The following RILPL1 variants were observed in gnomAD, a reference collection of about 807,000 sequenced individuals.
RILPL1 encodes the protein RILP-like protein 1.
RILPL1 carries 33 observed loss-of-function variants against 50.3 expected under a neutral mutation model. The observed-to-expected ratio is 0.66, with a 90% CI of 0.50 to 0.88. RILPL1 has a LOEUF of 0.88. Among genes scored for constraint, RILPL1 ranks in the 40% least tolerant of loss-of-function variants. The pLI is 0.00. For missense variants in RILPL1, 418 were observed against 542.5 expected (o/e 0.77, Z 2.28); for synonymous variants, 205 against 228.6 (o/e 0.90, Z 0.93).
rs1881156138 is a variant in RILPL1, at chr12:123,470,804, G to A, written c.*1734C>T. 6.6e-6 allele frequency: 1 copy of A among 152,150 alleles called. No homozygotes were observed. Among genetic ancestry groups the A allele is most frequent in the African/African-American group, 2.4e-5 (1 of 41,424 alleles). 9.4% of individuals were successfully genotyped at this position (152,150 alleles called of 1,614,324 possible). On this transcript the variant is annotated 3_prime_UTR_variant, in exon 7 of 7. Coordinates refer to ENST00000376874, the MANE Select transcript of RILPL1 (RefSeq NM_178314.5). ...CTCAAAAAAAAGAGAGACATTTAGT[G>A]TTTAGGAAAGATAACCAAGAAACTG...
At chr12:123,499,144 C>T (rs139309867) in intron 3 of RILPL1, among the ~76,000 whole-genome samples, 20 of 152,302 alleles carry the variant, frequency 1.3e-4, no homozygotes, top group Admixed American at 6.5e-5. Flanking sequence ...TGGAGGAGGC[C>T]TTGGGGTCAG....
chr12:123,509,292 G>A (rs28894691), intron 2 of RILPL1, among the ~76,000 whole-genome samples: 18,281 of 152,236 alleles, frequency 0.12, 1,317 homozygotes, highest in Non-Finnish European at 0.16. Flanking sequence ...GGCTGGGCAT[G>A]GTGGCTCACG....
chr12:123,506,634 A>G (rs1883769280), intron 2 of RILPL1, among the ~76,000 whole-genome samples: 1 of 152,132 alleles, frequency 6.6e-6, no homozygotes, highest in Non-Finnish European at 1.5e-5. Context: ...GCTGAGCTCC[A>G]CCACCTGCTG....
At chr12:123,525,808 G>A (rs1411436769) in intron 1 of RILPL1, among the ~76,000 whole-genome samples, 1 of 150,854 alleles carries the variant, frequency 6.6e-6, no homozygotes, top group East Asian at 1.9e-4. Context: ...GCCTCCCAAA[G>A]TGCTGGGAGT....
intron 6 of RILPL1, among the ~76,000 whole-genome samples, chr12:123,480,815 G>T (rs1357781176): frequency 6.6e-6 from 1 of 152,256 alleles, no homozygotes; most frequent in East Asian, 1.9e-4. Flanking sequence ...CCGTATTTCT[G>T]TCTATCTAGC....
chr12:123,519,072 A>G (rs1441053887), intron 2 of RILPL1, among the ~76,000 whole-genome samples: 31 of 148,966 alleles, frequency 2.1e-4, no homozygotes, highest in Non-Finnish European at 2.2e-4. Flanking sequence ...AAAAAAAAAA[A>G]AAGAAAAGAA....
rs770177232 is a variant in RILPL1, at chr12:123,498,675, C to G, written c.670G>C (p.Glu224Gln). The G allele has an allele frequency of 6.8e-6, 11 of 1,613,650 alleles. No homozygotes were observed. ...TCTGCCTCCAGCTCCACCTTCTGTTCGATCAGGGCTTTCCCCTGGGCCTCC... is the reference window on the plus strand; with the variant it reads ...TCTGCCTCCAGCTCCACCTTCTGTTGGATCAGGGCTTTCCCCTGGGCCTCC... ...VVEAQGKALI[E>Q]QKVELEADLQ... Residue 224 changes from glutamate (E) to glutamine (Q), a missense_variant, in exon 4 of 7, where the codon GAA (glutamate) becomes CAA (glutamine). Coordinates refer to ENST00000376874, the MANE Select transcript of RILPL1 (RefSeq NM_178314.5). The surrounding 1 kb of genome is among the most constrained non-coding windows in gnomAD (Gnocchi z 4.3).
intron 2 of RILPL1, among the ~76,000 whole-genome samples, 173 bp from the exon 3 acceptor site, chr12:123,499,709 A>G (rs1404711669): frequency 6.6e-6 from 1 of 151,384 alleles, no homozygotes; most frequent in Non-Finnish European, 1.5e-5. Flanking sequence ...CCTGCTTTCT[A>G]TTCCTTGATT....
intron 6 of RILPL1, among the ~76,000 whole-genome samples, chr12:123,478,739 C>T (rs1881766146): frequency 6.6e-6 from 1 of 152,148 alleles, no homozygotes; most frequent in African/African-American, 2.4e-5. Context: ...GTCTTCTTAT[C>T]TCCTGATCAG....
Position 123,479,492 on chromosome 12 carries a change from C to T in RILPL1, c.1067+4688G>A, listed in dbSNP as rs376787633. Among the ~76,000 whole-genome samples the T allele has an allele frequency of 5.9e-5, 9 of 152,082 alleles. No homozygotes were observed. In the South Asian group the frequency reaches 8.3e-4, roughly 14 times the overall value. On this transcript the variant is annotated intron_variant, in intron 6 of 6. Transcript: ENST00000376874. ...TGAAGGATGGAAGGACGCTCAGAAC[C>T]GCCTCAGAAACTGTCATTCCCTGCG...
Position 123,484,221 on chromosome 12 carries a change from G to T in RILPL1, c.1026C>A (p.His342Gln). Residue 342 changes from histidine to glutamine, a missense_variant, in exon 6 of 7, where the codon CAC (histidine) becomes CAA (glutamine). His to Gln is a conservative substitution (Grantham distance 24). Coordinates refer to ENST00000376874, the MANE Select transcript of RILPL1 (RefSeq NM_178314.5). Reference sequence around the variant, plus strand: ...ACTCCGGCTGGGGGGACGTCCTCGGGTGGGCGATGGGTGGGGGTTGGGGTA... The same window carrying T: ...ACTCCGGCTGGGGGGACGTCCTCGGTTGGGCGATGGGTGGGGGTTGGGGTA... ...NRIPQPPPIA[H>Q]PRTSPQPESG... The T allele has an allele frequency of 1.9e-6, 3 of 1,612,066 alleles. No individual in the cohort carries two copies. The highest frequency in any genetic ancestry group is 4.5e-5 in the East Asian group (2 of 44,852).
intron 4 of RILPL1, among the ~76,000 whole-genome samples, chr12:123,496,134 C>T (rs746189281): frequency 4.6e-5 from 7 of 151,950 alleles, no homozygotes; most frequent in Non-Finnish European, 7.4e-5. Context: ...TGTCCCAGCC[C>T]CCCAAAGTAA....
chr12:123,478,821 C>T (rs913759331), intron 6 of RILPL1, among the ~76,000 whole-genome samples: 3 of 152,178 alleles, frequency 2.0e-5, no homozygotes, highest in African/African-American at 4.8e-5. Context: ...ACAGGGACCA[C>T]GCAAAAGGGG....
chr12:123,511,677 TG>T (rs1884236547), intron 2 of RILPL1, among the ~76,000 whole-genome samples: 1 of 125,214 alleles, frequency 8.0e-6, no homozygotes, highest in Non-Finnish European at 1.7e-5. Flanking sequence ...TCTGTGTGTG[TG>T]GTGTGTGGTG....
intron 2 of RILPL1, among the ~76,000 whole-genome samples, chr12:123,511,572 A>G (rs1447680496): frequency 5.5e-5 from 4 of 72,934 alleles, no homozygotes; most frequent in East Asian, 5.4e-4. Flanking sequence ...GGTATGTGTG[A>G]GGTCTGTGGG....
Position 123,533,294 on chromosome 12 carries a change from G to A in RILPL1, c.189C>T (p.Ile63=), listed in dbSNP as rs1355129915. The change falls in exon 1 of 7, where the codon ATC becomes ATT. Residue 63 remains isoleucine, a synonymous_variant. Transcript: ENST00000376874. The surrounding 1 kb of genome is among the most constrained non-coding windows in gnomAD (Gnocchi z 6.2). ...GGTGGCGGCTGACCAGCACCTCCAG[G>A]ATCTCCAGGACGCGCACGACCTTGG... The part of the protein sequence containing the change: ...LMPKVVRVLE[I]LEVLVSRHHV... 1.9e-6 allele frequency: 3 copies of A among 1,585,916 alleles called. No individual in the cohort carries two copies. The highest frequency in any genetic ancestry group is 2.6e-6 in the Non-Finnish European group (3 of 1,170,968).
At chr12:123,512,005 A>ATGTGTGAGGTCTGTGTGTGTAG (rs1884308485) in intron 2 of RILPL1, among the ~76,000 whole-genome samples, 1 of 50,468 alleles carries the variant, frequency 2.0e-5, no homozygotes, top group Non-Finnish European at 3.8e-5. Context: ...TGAGATCTGT[A>ATGTGTGAGGTCTGTGTGTGTAG]TGTGTGAGGT....
chr12:123,518,972 A>T (rs957167344), intron 2 of RILPL1, among the ~76,000 whole-genome samples: 1 of 144,812 alleles, frequency 6.9e-6, no homozygotes, highest in East Asian at 2.1e-4. Context: ...CAGGAGAATC[A>T]CTTGAACCTG....
At chr12:123,484,403 T>C in intron 5 of RILPL1, 131 bp from the exon 6 acceptor site, 1 of 714,976 alleles carries the variant, frequency 1.4e-6, no homozygotes, top group South Asian at 1.5e-5. Context: ...GTATTTCCAG[T>C]TTATTCTGAA....
Sources: gnomAD v4.1 joint callset for allele counts (sites outside exome capture counted in the v4.1 genomes callset) on GRCh38, gnomAD v4.1.1 for gene constraint, Gnocchi (gnomAD v3.1) non-coding constraint, MANE v1.5 for transcripts, NCBI Gene and HGNC (gene_info 2026-07-23, HGNC 2026-07-21) for gene names.